SNRNP27: variants seen among roughly 807,000 people sequenced by gnomAD.
The protein encoded by SNRNP27 is U4/U6.U5 small nuclear ribonucleoprotein 27 kDa protein.
SNRNP27 carries 22 observed loss-of-function variants against 25.1 expected under a neutral mutation model. The ratio of observed to expected loss-of-function variants is 0.88; its 90% CI spans 0.63 to 1.25. The LOEUF is 1.25. SNRNP27 is among the 50% of genes most tolerant of loss of function. The pLI, the probability that SNRNP27 is intolerant of heterozygous loss-of-function variation, is 0.00. For synonymous variants in SNRNP27, 66 were observed against 64.9 expected (o/e 1.02, Z -0.08); for missense variants, 150 against 202.3 (o/e 0.74, Z 1.57).
intron 4 of SNRNP27, 123 bp downstream of exon 4, chr2:69,897,579 C>A: frequency 1.3e-6 from 1 of 758,212 alleles, no homozygotes; most frequent in Non-Finnish European, 2.2e-6. Context: ...GTTTGAAGGG[C>A]TTTGAGAATA....
intron 4 of SNRNP27, 190 bp downstream of exon 4, chr2:69,897,646 T>C: frequency 1.8e-6 from 1 of 555,214 alleles, no homozygotes; most frequent in Non-Finnish European, 3.3e-6. Context: ...CCAGGGACGA[T>C]GTTTGAATTA....
intron 4 of SNRNP27, among the ~76,000 whole-genome samples, chr2:69,900,551 T>C (rs1676675777): frequency 6.6e-6 from 1 of 152,246 alleles, no homozygotes; most frequent in African/African-American, 2.4e-5. Context: ...TTAGCCCCAC[T>C]TCAAATATAC....
chr2:69,896,290 A>G, intron 2 of SNRNP27, 146 bp from the exon 3 acceptor site: 2 of 710,162 alleles, frequency 2.8e-6, no homozygotes, highest in Non-Finnish European at 2.3e-6. Flanking sequence ...TTTGTTAACA[A>G]TCAAGGCCTT....
At chr2:69,902,653 GCTTCTT>G (rs748975141) in intron 4 of SNRNP27, among the ~76,000 whole-genome samples, 7 of 147,204 alleles carry the variant, frequency 4.8e-5, no homozygotes, top group African/African-American at 1.8e-4. Flanking sequence ...TTTTGCTTCT[GCTTCTT>G]CTGCTGCTCC....
At position 69,894,003 on chromosome 2, in the gene SNRNP27, C is replaced by A. The variant is rs774676700; in HGVS notation, c.19C>A (p.Arg7Ser). 1 of 1,614,016 alleles carries A rather than the reference C, an allele frequency of 6.2e-7. No individual in the cohort carries two copies. Among genetic ancestry groups the A allele is most frequent in the Non-Finnish European group, 8.5e-7 (1 of 1,179,940 alleles). MGRSRSRSPRRERRRSR... is the reference protein window; with the variant it reads MGRSRSSSPRRERRRSR... The stretch of plus-strand genomic sequence containing the variant: ...ACTCCAAATGGGTCGCAGTCGCAGC[C>A]GCTCTCCACGGAGGGGTGAGTCCTG... The change falls in exon 1 of 6, where the codon CGC becomes AGC. Residue 7 changes from arginine to serine, a missense_variant. By Grantham distance (110) the Arg-to-Ser change is moderately radical. Coordinates refer to ENST00000244227, the MANE Select transcript of SNRNP27 (RefSeq NM_006857.3).
At chr2:69,898,825 A>G (rs1273088573) in intron 4 of SNRNP27, among the ~76,000 whole-genome samples, 2 of 152,334 alleles carry the variant, frequency 1.3e-5, no homozygotes, top group African/African-American at 4.8e-5. Context: ...TTTCCCTTGA[A>G]TGCCCTAAAT....
Position 69,903,211 on chromosome 2 carries a change from T to C in SNRNP27, c.379T>C (p.Tyr127His). ...GAAGGTGGATGGCTCTGTAAATGCC[T>C]ATGCCATAAATGTCTCTCAGAAGAG... ...GKKVDGSVNAYAINVSQKRKY... is the reference protein window; with the variant it reads ...GKKVDGSVNAHAINVSQKRKY... The change falls in exon 5 of 6, where the codon TAT becomes CAT. Residue 127 changes from tyrosine to histidine, a missense_variant. Physicochemically the swap from Tyr to His is moderately conservative, Grantham distance 83. This residue lies in a region of SNRNP27 where 142 missense variants were observed against 168.6 expected (regional missense o/e 0.84). Transcript: ENST00000244227. The C allele has an allele frequency of 6.2e-7, 1 of 1,613,376 alleles. No individual in the cohort carries two copies. The highest frequency in any genetic ancestry group is 8.5e-7 in the Non-Finnish European group (1 of 1,179,288).
Position 69,903,201 on chromosome 2 carries a change from T to C in SNRNP27, c.369T>C (p.Ser123=). Residue 123 remains serine (S), a synonymous_variant, in exon 5 of 6, where the codon TCT becomes TCC. Coordinates refer to ENST00000244227, the MANE Select transcript of SNRNP27 (RefSeq NM_006857.3). ...TTCAGGGTAAGAAGGTGGATGGCTC[T>C]GTAAATGCCTATGCCATAAATGTCT... is the stretch of plus-strand genomic sequence containing the variant. The part of the protein sequence containing the change: ...DSTKGKKVDG[S]VNAYAINVSQ... 6.2e-7 allele frequency: 1 copy of C among 1,613,292 alleles called. No individual in the cohort carries two copies. Among genetic ancestry groups the C allele is most frequent in the Non-Finnish European group, 8.5e-7 (1 of 1,179,206 alleles).
intron 1 of SNRNP27, 60 bp from the exon 2 acceptor site, chr2:69,895,034 G>A (rs1676574396): frequency 6.2e-7 from 1 of 1,601,428 alleles, no homozygotes; most frequent in Non-Finnish European, 8.5e-7. Flanking sequence ...CTACTGGACG[G>A]CGCAGCTCTA....
chr2:69,903,245 G>A lies in SNRNP27; in HGVS notation c.413G>A (p.Arg138Lys), dbSNP rs964340553. The A allele has an allele frequency of 1.9e-6, 3 of 1,602,584 alleles. No individual in the cohort carries two copies. Among genetic ancestry groups the A allele is most frequent in the Non-Finnish European group, 2.6e-6 (3 of 1,169,680 alleles). The change falls in exon 5 of 6, where the codon AGG becomes AAG. Residue 138 changes from arginine to lysine, a missense_variant and splice_region_variant. Transcript: ENST00000244227. ...AINVSQKRKY[R>K]QYMNRKGGFN... The stretch of plus-strand genomic sequence containing the variant: ...AATGTCTCTCAGAAGAGGAAGTACA[G>A]GTATGCATAGCCCCCATTATTATGT...
intron 4 of SNRNP27, among the ~76,000 whole-genome samples, chr2:69,899,247 T>C (rs1453449309): frequency 6.6e-6 from 1 of 152,164 alleles, no homozygotes; most frequent in African/African-American, 2.4e-5. Flanking sequence ...GTCAATTTAG[T>C]TTATATGCAG....
At chr2:69,902,774 C>T (rs1428270833) in intron 4 of SNRNP27, among the ~76,000 whole-genome samples, 2 of 151,912 alleles carry the variant, frequency 1.3e-5, no homozygotes, top group African/African-American at 2.4e-5. Context: ...ACTGCTGCTT[C>T]TGCTTCTTTT....
In SNRNP27 at chr2:69,904,341, C is replaced by T. The variant is rs1676757197; in HGVS notation, c.*33C>T. The stretch of plus-strand genomic sequence containing the variant: ...AGTGTTGAAGGATGATTTTTTTTCC[C>T]CTCATCTTGGTCAGAGAGTGGATTT... On this transcript the variant is annotated 3_prime_UTR_variant, in exon 6 of 6. Coordinates refer to ENST00000244227, the MANE Select transcript of SNRNP27 (RefSeq NM_006857.3). 2 of 1,559,298 alleles carry T rather than the reference C, an allele frequency of 1.3e-6. No homozygotes were observed. Among genetic ancestry groups the T allele is most frequent in the Non-Finnish European group, 1.8e-6 (2 of 1,133,074 alleles).
chr2:69,898,364 A>G (rs1187266175), intron 4 of SNRNP27, among the ~76,000 whole-genome samples: 1 of 132,566 alleles, frequency 7.5e-6, no homozygotes, highest in Admixed American at 7.3e-5. Context: ...GAGGGATTAT[A>G]TAGAGGAGGG....
chr2:69,899,228 T>C (rs1278806301), intron 4 of SNRNP27, among the ~76,000 whole-genome samples: 1 of 152,200 alleles, frequency 6.6e-6, no homozygotes, highest in East Asian at 1.9e-4. Context: ...AAATGACATC[T>C]ACAAGGATGT....
At chr2:69,900,133 A>G (rs1676670726) in intron 4 of SNRNP27, among the ~76,000 whole-genome samples, 1 of 151,994 alleles carries the variant, frequency 6.6e-6, no homozygotes, top group Non-Finnish European at 1.5e-5. Context: ...TTTCCCTTTC[A>G]TCTTATTAGA....
intron 4 of SNRNP27, among the ~76,000 whole-genome samples, chr2:69,902,199 CCTTCCT>C (rs1676710306): frequency 1.3e-5 from 2 of 151,164 alleles, no homozygotes; most frequent in African/African-American, 4.9e-5. Flanking sequence ...CCTCCTTCCT[CCTTCCT>C]CCTTCCTCCT....
intron 4 of SNRNP27, among the ~76,000 whole-genome samples, chr2:69,900,224 G>A (rs1018851695): frequency 6.6e-6 from 1 of 152,048 alleles, no homozygotes; most frequent in African/African-American, 2.4e-5. Context: ...TTTTCTAGAT[G>A]GTTTCAAAGT....
intron 4 of SNRNP27, among the ~76,000 whole-genome samples, chr2:69,902,772 T>C (rs1676727831): frequency 6.6e-6 from 1 of 151,968 alleles, no homozygotes; most frequent in Admixed American, 6.6e-5. Flanking sequence ...CTACTGCTGC[T>C]TCTGCTTCTT....
Sources: gnomAD v4.1 joint callset for allele counts (sites outside exome capture counted in the v4.1 genomes callset) on GRCh38, gnomAD v4.1.1 for gene constraint, gnomAD v4.1.1 regional missense constraint, MANE v1.5 for transcripts, NCBI Gene and HGNC (gene_info 2026-07-23, HGNC 2026-07-21) for gene names.